The following LRP1B variants were observed in gnomAD, a reference collection of about 807,000 sequenced individuals.
The protein encoded by LRP1B is LDL receptor related protein 1B, also known as low-density lipoprotein receptor-related protein 1B.
In LRP1B, 217 loss-of-function variants were observed where a neutral mutation model predicts 556.6. The ratio of observed to expected loss-of-function variants is 0.39; its 90% CI spans 0.35 to 0.44. The LOEUF (loss-of-function observed/expected upper bound fraction) is 0.44. LRP1B is among the 20% of genes least tolerant of loss of function. LRP1B has a pLI of 1.00. For synonymous variants in LRP1B, 2,047 were observed against 1,865.8 expected (o/e 1.10, Z -2.50); for missense variants, 5,053 against 5,620.8 (o/e 0.90, Z 3.23).
At chr2:141,876,735 G>A (rs916292142) in intron 1 of LRP1B, among the ~76,000 whole-genome samples, 8 of 151,872 alleles carry the variant, frequency 5.3e-5, no homozygotes, top group Non-Finnish European at 1.2e-4. Flanking sequence ...ATATAAGCAA[G>A]TTTCTTACGT....
intron 7 of LRP1B, among the ~76,000 whole-genome samples, chr2:141,090,087 G>A (rs1045383147): frequency 6.6e-6 from 1 of 152,166 alleles, no homozygotes; most frequent in East Asian, 1.9e-4. Flanking sequence ...ACCTTCTTCA[G>A]GGCCAGCAGG....
At chr2:141,889,647 T>G (rs1435143809) in intron 1 of LRP1B, among the ~76,000 whole-genome samples, 1 of 152,146 alleles carries the variant, frequency 6.6e-6, no homozygotes, top group Non-Finnish European at 1.5e-5. Flanking sequence ...TTTCACACAG[T>G]GACTGTCACA....
chr2:141,431,742 A>AT lies in LRP1B; in HGVS notation c.343+48653dup, dbSNP rs573592501. 5.1e-3 allele frequency among the ~76,000 whole-genome samples: 778 copies of AT among 152,180 alleles called. 6 individuals are homozygous for AT. Among genetic ancestry groups the AT allele is most frequent in the Non-Finnish European group, 9.0e-3 (610 of 68,002 alleles). On this transcript the variant is annotated intron_variant, in intron 3 of 90. Coordinates refer to ENST00000389484, the MANE Select transcript of LRP1B (RefSeq NM_018557.3). ...ATATCTGATTTTTAAAATATTATACATTTTAAATTTCATTTTAAAAATGCT... is the reference window on the plus strand; with the variant it reads ...ATATCTGATTTTTAAAATATTATACATTTTTAAATTTCATTTTAAAAATGCT...
chr2:140,567,556 C>T (rs1681171701), intron 43 of LRP1B, among the ~76,000 whole-genome samples: 1 of 152,186 alleles, frequency 6.6e-6, no homozygotes, highest in Admixed American at 6.6e-5. Flanking sequence ...GTCATAGATC[C>T]TGGTTGTCTG....
intron 2 of LRP1B, among the ~76,000 whole-genome samples, chr2:141,572,034 C>G (rs545735733): frequency 2.0e-5 from 3 of 152,198 alleles, no homozygotes; most frequent in African/African-American, 7.2e-5. Flanking sequence ...AGAATTTCCC[C>G]AATCTAGCAA....
At chr2:142,059,530 C>A (rs1194734655) in intron 1 of LRP1B, among the ~76,000 whole-genome samples, 1 of 104,762 alleles carries the variant, frequency 9.5e-6, no homozygotes, top group Non-Finnish European at 2.3e-5. Context: ...GCAAAAGAAC[C>A]AGTTTTTATT....
rs911378208 is a variant in LRP1B, at chr2:141,103,220, A to C, written c.1014-40947T>G. ...TTCACTTATATGACTGGAAAATTTCAAAACAACTTAGGATTTGTGAACATC... is the reference window on the plus strand; with the variant it reads ...TTCACTTATATGACTGGAAAATTTCCAAACAACTTAGGATTTGTGAACATC... On this transcript the variant is annotated intron_variant, in intron 7 of 90. Coordinates refer to ENST00000389484, the MANE Select transcript of LRP1B (RefSeq NM_018557.3). 2.6e-5 allele frequency among the ~76,000 whole-genome samples: 4 copies of C among 152,226 alleles called. No individual in the cohort carries two copies. The East Asian group carries it at 7.7e-4, about 29-fold the overall frequency.
At chr2:141,192,302 T>G (rs1681550539) in intron 6 of LRP1B, among the ~76,000 whole-genome samples, 1 of 151,952 alleles carries the variant, frequency 6.6e-6, no homozygotes, top group African/African-American at 2.4e-5. Context: ...GGAAGCTTTT[T>G]TCAACCAGCC....
At chr2:140,855,864 A>G (rs1043002092) in intron 27 of LRP1B, among the ~76,000 whole-genome samples, 5 of 152,046 alleles carry the variant, frequency 3.3e-5, no homozygotes, top group Non-Finnish European at 7.4e-5. Flanking sequence ...GAAATCATAA[A>G]CCTTCCAAAA....
At chr2:141,281,324 G>A (rs565498075) in intron 3 of LRP1B, among the ~76,000 whole-genome samples, 1 of 151,766 alleles carries the variant, frequency 6.6e-6, no homozygotes, top group Non-Finnish European at 1.5e-5. Context: ...ATGATTGTAG[G>A]TATCCCACCT....
chr2:140,829,677 G>T (rs1359828075), intron 31 of LRP1B, among the ~76,000 whole-genome samples: 1 of 151,906 alleles, frequency 6.6e-6, no homozygotes, highest in Non-Finnish European at 1.5e-5. Flanking sequence ...AAAGTTAAAA[G>T]ATTTTAAATG....
intron 21 of LRP1B, among the ~76,000 whole-genome samples, chr2:140,913,536 A>G (rs1282988670): frequency 1.3e-5 from 2 of 151,996 alleles, no homozygotes; most frequent in Non-Finnish European, 2.9e-5. Flanking sequence ...TAGTCTTAAC[A>G]TTCGAATATA....
chr2:141,224,017 G>T (rs1010672378), intron 6 of LRP1B, among the ~76,000 whole-genome samples: 1 of 151,982 alleles, frequency 6.6e-6, no homozygotes, highest in Non-Finnish European at 1.5e-5. Flanking sequence ...TGCAACAAAA[G>T]CAAAAATTGA....
intron 6 of LRP1B, among the ~76,000 whole-genome samples, chr2:141,194,762 T>A (rs2105210120): frequency 6.6e-6 from 1 of 152,010 alleles, no homozygotes; most frequent in Admixed American, 6.6e-5. Context: ...TTATATTAAA[T>A]AAACAAAATA....
chr2:140,707,108 T>G (rs1289325467), intron 37 of LRP1B, among the ~76,000 whole-genome samples: 1 of 152,160 alleles, frequency 6.6e-6, no homozygotes, highest in African/African-American at 2.4e-5. Context: ...TTCTCTTCTT[T>G]GATTGCTAAA....
At chr2:141,489,337 A>C (rs943187418) in intron 2 of LRP1B, among the ~76,000 whole-genome samples, 6 of 151,934 alleles carry the variant, frequency 3.9e-5, no homozygotes, top group African/African-American at 1.5e-4. Flanking sequence ...ATTTTCTTGG[A>C]TGTATTACAG....
In LRP1B at chr2:141,574,067, AG is replaced by A. The variant is rs1226470877; in HGVS notation, c.206-93535del. ...CTAAAACTATTCCAAACAATTGAAAAGGGGGGACTCCTCCCTAACTCATTTT... is the reference window on the plus strand; with the variant it reads ...CTAAAACTATTCCAAACAATTGAAAAGGGGGACTCCTCCCTAACTCATTTT... On this transcript the variant is annotated intron_variant, in intron 2 of 90. Transcript: ENST00000389484. Among the ~76,000 whole-genome samples, 8 of 152,308 alleles carry A rather than the reference AG, an allele frequency of 5.3e-5. No homozygotes were observed. The East Asian group carries it at 1.5e-3, about 29-fold the overall frequency.
At chr2:140,546,722 A>C (rs572481824) in intron 43 of LRP1B, among the ~76,000 whole-genome samples, 1 of 152,098 alleles carries the variant, frequency 6.6e-6, no homozygotes, top group Non-Finnish European at 1.5e-5. Flanking sequence ...CAGCCAAACC[A>C]TATCACTTGC....
chr2:141,149,550 A>T (rs71417128), intron 7 of LRP1B, among the ~76,000 whole-genome samples: 7,980 of 152,188 alleles, frequency 0.052, 295 homozygotes, highest in Non-Finnish European at 0.083. Flanking sequence ...CAACTCCTTT[A>T]TAGCACTACC....
Sources: gnomAD v4.1 joint callset for allele counts (sites outside exome capture counted in the v4.1 genomes callset) on GRCh38, gnomAD v4.1.1 for gene constraint, MANE v1.5 for transcripts, NCBI Gene and HGNC (gene_info 2026-07-23, HGNC 2026-07-21) for gene names.